CFAP46: variants seen among roughly 807,000 people sequenced by gnomAD.
CFAP46 encodes cilia and flagella associated protein 46.
Under a neutral mutation model 325.7 loss-of-function variants are expected in CFAP46, and 245 were observed. That is an observed-to-expected ratio of 0.75 (90% CI 0.68 to 0.84). CFAP46 has a LOEUF of 0.84. Ranked by LOEUF, CFAP46 falls within the 40% of genes least tolerant of loss-of-function variation. The pLI is 0.00. For synonymous variants in CFAP46, 1,523 were observed against 1,495.9 expected, an observed-to-expected ratio of 1.02 and a Z score of -0.42; for missense variants, 3,346 against 3,543.0, an observed-to-expected ratio of 0.94 and a Z score of 1.41.
chr10:132,937,103 T>C (rs992031142), intron 6 of CFAP46, 48 bp from the exon 7 acceptor site: 3 of 1,091,648 alleles, frequency 2.7e-6, no homozygotes, highest in Non-Finnish European at 3.8e-6. Flanking sequence ...AACAATTCGG[T>C]AGAGGTTCAG....
At chr10:132,816,553 G>A (rs572061557) in intron 50 of CFAP46, among the ~76,000 whole-genome samples, 10 of 152,092 alleles carry the variant, frequency 6.6e-5, no homozygotes, top group Non-Finnish European at 8.8e-5. Flanking sequence ...GGATGGTCTC[G>A]ATCTCCTGAC....
chr10:132,938,641 C>T lies in CFAP46; in HGVS notation c.484G>A (p.Val162Met), dbSNP rs761672941. The T allele has an allele frequency of 1.2e-5, 20 of 1,613,536 alleles. 1 individual carries two copies. The South Asian group carries it at 1.3e-4, about 11-fold the overall frequency. Residue 162 changes from valine (V) to methionine (M), a missense_variant, in exon 5 of 58, where the codon GTG (valine) becomes ATG (methionine). By Grantham distance (21) the Val-to-Met change is conservative. Transcript: ENST00000368586. ...LIPSLSQIIN[V>M]LSQTEEEDKE... ...TCTTCCTCCTCAGTCTGACTCAGCA[C>T]GTTTATGATTTGGGAAAGGCTGGGG...
intron 22 of CFAP46, among the ~76,000 whole-genome samples, chr10:132,902,758 A>T (rs1407209678): frequency 6.6e-6 from 1 of 152,164 alleles, no homozygotes; most frequent in Admixed American, 6.5e-5. Flanking sequence ...GATTGTGTCC[A>T]CTTCCTTTAA....
chr10:132,826,383 A>T (rs1848051827), intron 50 of CFAP46, among the ~76,000 whole-genome samples: 1 of 138,124 alleles, frequency 7.2e-6, no homozygotes, highest in Non-Finnish European at 1.6e-5. Flanking sequence ...CAGGAGCCAG[A>T]GCCACAGAGA....
rs773227985 is a variant in CFAP46, at chr10:132,857,747, G to A, written c.5417C>T (p.Ala1806Val). 9.4e-6 allele frequency: 15 copies of A among 1,589,742 alleles called. No homozygotes were observed. Among genetic ancestry groups the A allele is most frequent in the Admixed American group, 9.1e-5 (5 of 55,204 alleles). ...CAGGCCATACGCTTCCAAGTAATAC[G>A]CAGTTTTTTGTTCTTCATCTTTCTC... is the stretch of plus-strand genomic sequence containing the variant. ...QNEKDEEQKT[A>V]YYLEAYGLAQ... is the part of the protein sequence containing the mutation. The change falls in exon 39 of 58, where the codon GCG (alanine) becomes GTG (valine). Residue 1806 changes from alanine (A) to valine (V), a missense_variant. Transcript: ENST00000368586.
At chr10:132,888,590 G>A (rs200760970) in intron 25 of CFAP46, among the ~76,000 whole-genome samples, 1 of 12,094 alleles carries the variant, frequency 8.3e-5, no homozygotes, top group African/African-American at 3.2e-4. Flanking sequence ...CACCCCTGCC[G>A]CCTGCACCCC....
intron 13 of CFAP46, among the ~76,000 whole-genome samples, 153 bp from the exon 14 acceptor site, chr10:132,920,335 C>T (rs776230424): frequency 5.3e-5 from 8 of 152,306 alleles, no homozygotes; most frequent in Admixed American, 1.3e-4. Flanking sequence ...AGAAGCCGAG[C>T]TCCTCACAGA....
rs544235519 is a variant in CFAP46, at chr10:132,922,745, G to A, written c.1257-37C>T. 74 of 1,488,722 alleles carry A rather than the reference G, an allele frequency of 5.0e-5. No individual in the cohort carries two copies. In the African/African-American group the frequency reaches 6.5e-4, roughly 13 times the overall value. The allele number at this position is 1,488,722 out of a possible 1,614,324, so 92.2% of individuals were successfully genotyped here. A position where few individuals can be genotyped will look rare whatever the true frequency, so the allele number is the denominator to read the frequency against. On this transcript the variant is annotated intron_variant, in intron 11 of 57. Transcript: ENST00000368586. ...GCGTGGCATCAGGGGCCCTGGCGGC[G>A]CTGCGCCTCTGTCAGGCTGGGGTCA... is the stretch of plus-strand genomic sequence containing the variant.
intron 44 of CFAP46, chr10:132,837,125 G>T: frequency 2.0e-6 from 1 of 502,908 alleles, no homozygotes; most frequent in South Asian, 3.0e-5. Flanking sequence ...AAGAGTCACC[G>T]GCGGCCCCAA....
chr10:132,825,263 CTGA>C (rs1310856649), intron 50 of CFAP46, among the ~76,000 whole-genome samples: 21 of 145,190 alleles, frequency 1.4e-4, no homozygotes, highest in Admixed American at 1.4e-4. Flanking sequence ...TGTGTGAGTG[CTGA>C]TGTGTGCTGT....
At chr10:132,857,504 C>T in intron 39 of CFAP46, 86 bp downstream of exon 39, 1 of 1,355,934 alleles carries the variant, frequency 7.4e-7, no homozygotes, top group Middle Eastern at 2.6e-4. Context: ...AAGCAGAAGT[C>T]AGCTGGCTTG....
Position 132,869,364 on chromosome 10 carries a change from TG to T in CFAP46, c.4519del (p.His1507ThrfsTer6). The T allele has an allele frequency of 6.5e-7, 1 of 1,529,474 alleles. No homozygotes were observed. The allele number at this position is 1,529,474 out of a possible 1,614,324, so 94.7% of individuals were successfully genotyped here. On this transcript the variant is annotated frameshift_variant, in exon 33 of 58. Transcript: ENST00000368586. LOFTEE classifies it high-confidence loss of function. This position sits in a 1 kb window ranked among gnomAD's most constrained non-coding sequence, Gnocchi z 6.2. ...TCTCAGCTTCAGCTCGGAGCACGCG[TG>T]GGCGAGGCTGTGGGGAGTGTGGCCG... is the stretch of plus-strand genomic sequence containing the variant. ...LSDLYHLRLA[H>X]ACSELKLREA...
intron 29 of CFAP46, 103 bp downstream of exon 29, chr10:132,879,322 TG>T: frequency 8.6e-7 from 1 of 1,157,160 alleles, no homozygotes. Flanking sequence ...TAGGAAATGC[TG>T]GGAAAGACTC....
chr10:132,819,093 T>C (rs1042580526), intron 50 of CFAP46, among the ~76,000 whole-genome samples: 10 of 152,156 alleles, frequency 6.6e-5, no homozygotes, highest in African/African-American at 2.4e-4. Context: ...TACATTACAA[T>C]GAACTCATCA....
intron 22 of CFAP46, among the ~76,000 whole-genome samples, chr10:132,907,898 C>T (rs937066412): frequency 1.3e-5 from 2 of 152,324 alleles, no homozygotes; most frequent in Admixed American, 6.5e-5. Flanking sequence ...CCCTCGCAGA[C>T]GCCGAATCTG....
In CFAP46 at chr10:132,884,803, C is replaced by T. The variant is rs1276062130; in HGVS notation, c.3627+300G>A. Reference sequence around the variant, plus strand: ...CGGGGCCCTGGTGCCACCAGGGGAGCCTGGGCGCTTCCACTTGGGGCATCA... The same window carrying T: ...CGGGGCCCTGGTGCCACCAGGGGAGTCTGGGCGCTTCCACTTGGGGCATCA... On this transcript the variant is annotated intron_variant, in intron 27 of 57. Transcript: ENST00000368586. The surrounding 1 kb of genome is among the most constrained non-coding windows in gnomAD (Gnocchi z 5.4). Among the ~76,000 whole-genome samples, 2 of 152,142 alleles carry T rather than the reference C, an allele frequency of 1.3e-5. No individual in the cohort carries two copies. The highest frequency in any genetic ancestry group is 2.9e-5 in the Non-Finnish European group (2 of 68,002).
At chr10:132,809,638 G>A (rs553959723) in intron 57 of CFAP46, among the ~76,000 whole-genome samples, 1 of 152,302 alleles carries the variant, frequency 6.6e-6, no homozygotes, top group South Asian at 2.1e-4. Flanking sequence ...GTGCACCGCT[G>A]AGCGCCTCAA....
intron 35 of CFAP46, among the ~76,000 whole-genome samples, chr10:132,862,069 G>T (rs370069625): frequency 6.6e-6 from 1 of 152,250 alleles, no homozygotes; most frequent in Admixed American, 6.5e-5. Context: ...GGCTGTGACC[G>T]CCAGACGGCG....
chr10:132,892,082 GT>G (rs1849261567), intron 25 of CFAP46, among the ~76,000 whole-genome samples: 1 of 152,190 alleles, frequency 6.6e-6, no homozygotes, highest in Non-Finnish European at 1.5e-5. Context: ...GAGTTTGACT[GT>G]TTTCATGGAC....
Sources: allele counts gnomAD v4.1 joint callset (sites outside exome capture counted in the v4.1 genomes callset), GRCh38; gene constraint gnomAD v4.1.1; non-coding constraint Gnocchi (gnomAD v3.1); transcripts MANE v1.5; gene names NCBI Gene and HGNC (gene_info 2026-07-23, HGNC 2026-07-21).